The following SDC3 variants were observed in gnomAD, a reference collection of about 807,000 sequenced individuals.
SDC3 encodes syndecan 3.
A neutral mutation model predicts 24.4 loss-of-function variants in SDC3; 13 were observed. The ratio of observed to expected loss-of-function variants is 0.53; its 90% CI spans 0.35 to 0.85. SDC3 has a LOEUF of 0.85. Among genes scored for constraint, SDC3 ranks in the 40% least tolerant of loss-of-function variants. The pLI is 0.01. For synonymous variants in SDC3, 295 were observed against 260.9 expected (o/e 1.13, Z -1.26); for missense variants, 571 against 584.5 (o/e 0.98, Z 0.24).
At chr1:30,891,733 A>G (rs1038499622) in intron 1 of SDC3, among the ~76,000 whole-genome samples, 1 of 151,856 alleles carries the variant, frequency 6.6e-6, no homozygotes, top group Non-Finnish European at 1.5e-5. Context: ...CACACCTGTA[A>G]TCCCAGCTAC....
At chr1:30,891,796 T>C (rs1570015478) in intron 1 of SDC3, among the ~76,000 whole-genome samples, 1 of 145,010 alleles carries the variant, frequency 6.9e-6, no homozygotes, top group South Asian at 2.2e-4. Flanking sequence ...GAGATTGCAG[T>C]GAGCCAAGAT....
At chr1:30,883,318 A>G (rs963229953) in intron 1 of SDC3, among the ~76,000 whole-genome samples, 5 of 152,230 alleles carry the variant, frequency 3.3e-5, no homozygotes, top group Non-Finnish European at 7.3e-5. Flanking sequence ...ATGTTGCAAA[A>G]AGCCAAGAAT....
intron 4 of SDC3, among the ~76,000 whole-genome samples, chr1:30,873,752 C>T (rs1448333569): frequency 6.6e-6 from 1 of 152,152 alleles, no homozygotes; most frequent in Non-Finnish European, 1.5e-5. Flanking sequence ...AACATGTGAA[C>T]AGATGTGCCT....
intron 1 of SDC3, among the ~76,000 whole-genome samples, chr1:30,895,492 T>C (rs1459416941): frequency 6.6e-6 from 1 of 152,136 alleles, no homozygotes; most frequent in Non-Finnish European, 1.5e-5. Flanking sequence ...GCTGTTCCAC[T>C]TCTCACTGCT....
chr1:30,878,347 T>G (rs1639683662), intron 2 of SDC3: 1 of 353,648 alleles, frequency 2.8e-6, no homozygotes, highest in African/African-American at 2.0e-5. Context: ...AAGCAAGGTC[T>G]GCAGAGAAAG....
Position 30,874,433 on chromosome 1 carries a change from C to A in SDC3, c.1026G>T (p.Lys342Asn). 1 of 1,614,238 alleles carries A rather than the reference C, an allele frequency of 6.2e-7. No individual in the cohort carries two copies. The highest frequency in any genetic ancestry group is 1.1e-5 in the South Asian group (1 of 91,082). ...EVVAVGGAAA[K>N]ASSPPGTLPK... is the part of the protein sequence containing the mutation. The stretch of plus-strand genomic sequence containing the variant: ...GCAGTGTCCCAGGTGGAGATGATGC[C>A]TTGGCCGCAGCCCCTCCCACAGCTA... The change falls in exon 4 of 5, where the codon AAG becomes AAT. Residue 342 changes from lysine to asparagine, a missense_variant. Transcript: ENST00000339394.
chr1:30,906,964 C>T (rs1239427623), intron 1 of SDC3, among the ~76,000 whole-genome samples: 1 of 152,164 alleles, frequency 6.6e-6, no homozygotes, highest in East Asian at 1.9e-4. Context: ...CAGGTCAGCC[C>T]TCAACACTTC....
rs1010528390 is a variant in SDC3, at chr1:30,908,539, GCCGGCCCCGTGGGCGGCC to G, written c.30_47del (p.Ala12_Ala17del). The G allele has an allele frequency of 1.1e-4, 102 of 935,334 alleles. No individual in the cohort carries two copies. Among genetic ancestry groups the G allele is most frequent in the Admixed American group, 1.3e-4 (2 of 15,218 alleles). 57.9% of individuals were successfully genotyped at this position (935,334 alleles called of 1,614,324 possible). A position where few individuals can be genotyped will look rare whatever the true frequency, so the allele number is the denominator to read the frequency against. ...GCCCGGCCGCGGCCCCGGCCCCGGCGCCGGCCCCGTGGGCGGCCCCGGCACGGTGCGGCGGCCCCGGCT... is the reference window on the plus strand; with the variant it reads ...GCCCGGCCGCGGCCCCGGCCCCGGCGCCGGCACGGTGCGGCGGCCCCGGCT... On this transcript the variant is annotated inframe_deletion, in exon 1 of 5. Transcript: ENST00000339394.
In SDC3 at chr1:30,876,862, G is replaced by T. The variant is rs769901539; in HGVS notation, c.560C>A (p.Thr187Asn). ...ATVPATVATA[T>N]PSTPAAPPFT... is the part of the protein sequence containing the mutation. The stretch of plus-strand genomic sequence containing the variant: ...AGGGGGTGCTGCAGGGGTGCTGGGG[G>T]TGGCGGTGGCCACTGTGGCAGGCAC... Residue 187 changes from threonine to asparagine, a missense_variant, in exon 3 of 5, where the codon ACC becomes AAC. Physicochemically the swap from Thr to Asn is moderately conservative, Grantham distance 65 (BLOSUM62 0). Around this residue, in one of 2 missense-constraint regions of SDC3, gnomAD observed 497 missense variants for 471.6 expected, o/e 1.05. Coordinates refer to ENST00000339394, the MANE Select transcript of SDC3 (RefSeq NM_014654.4). The T allele has an allele frequency of 6.8e-6, 11 of 1,613,496 alleles. No individual in the cohort carries two copies. In the Admixed American group the frequency reaches 1.8e-4, roughly 27 times the overall value.
rs1336905671 is a variant in SDC3 at position 30,884,589 on chromosome 1, C to T, written c.139-5849G>A. The stretch of plus-strand genomic sequence containing the variant: ...TTTTTCCCACTGTGGCACCTGCCTC[C>T]ACCCACATCCCCACCCCAGCCCCAA... On this transcript the variant is annotated intron_variant, in intron 1 of 4. Coordinates refer to ENST00000339394, the MANE Select transcript of SDC3 (RefSeq NM_014654.4). 3.3e-5 allele frequency among the ~76,000 whole-genome samples: 5 copies of T among 152,150 alleles called. No homozygotes were observed. The East Asian group carries it at 7.7e-4, about 23-fold the overall frequency.
At chr1:30,898,158 A>C (rs1638319231) in intron 1 of SDC3, among the ~76,000 whole-genome samples, 1 of 152,230 alleles carries the variant, frequency 6.6e-6, no homozygotes, top group African/African-American at 2.4e-5. Context: ...TCTCATCAGA[A>C]AGGGCGGCCC....
chr1:30,894,314 CATGAGTGTGTGG>C (rs1254900893), intron 1 of SDC3, among the ~76,000 whole-genome samples: 1 of 88,752 alleles, frequency 1.1e-5, no homozygotes, highest in East Asian at 3.7e-4. Context: ...GGTGTGTGTG[CATGAGTGTGTGG>C]ATGAGTGTGT....
intron 1 of SDC3, among the ~76,000 whole-genome samples, chr1:30,882,586 G>A (rs1639762067): frequency 6.6e-6 from 1 of 152,128 alleles, no homozygotes; most frequent in Admixed American, 6.5e-5. Flanking sequence ...GCTGTGATGG[G>A]TGAGGGTCCA....
At position 30,873,280 on chromosome 1, in the gene SDC3, C is replaced by T. The variant is rs776661461; in HGVS notation, c.1260G>A (p.Thr420=). 45 of 1,613,102 alleles carry T rather than the reference C, an allele frequency of 2.8e-5. No homozygotes were observed. The highest frequency in any genetic ancestry group is 8.3e-5 in the Admixed American group (5 of 59,994). The part of the protein sequence containing the change: ...RMKKKDEGSY[T]LEEPKQASVT... ...CGCTCGCCTGCTTGGGTTCCTCCAG[C>T]GTGTAGCTGCCCTCATCCTTTTTCT... The change falls in exon 5 of 5, where the codon ACG becomes ACA. Residue 420 remains threonine (T), a synonymous_variant. Transcript: ENST00000339394.
At chr1:30,879,769 C>T (rs1363124604) in intron 1 of SDC3, among the ~76,000 whole-genome samples, 2 of 152,168 alleles carry the variant, frequency 1.3e-5, no homozygotes, top group Non-Finnish European at 2.9e-5. Context: ...TCTGTGGTCC[C>T]TGGAAGCCCC....
In SDC3 at chr1:30,874,666, G is replaced by T. The variant is rs1393923068; in HGVS notation, c.871-78C>A. ...CCCACCACCATCCTACTGCCCTGGG[G>T]GGCTAACACTTAGCACTCCCTACAT... is the stretch of plus-strand genomic sequence containing the variant. On this transcript the variant is annotated intron_variant, in intron 3 of 4. Coordinates refer to ENST00000339394, the MANE Select transcript of SDC3 (RefSeq NM_014654.4). 5.0e-6 allele frequency: 7 copies of T among 1,395,620 alleles called. No individual in the cohort carries two copies. The Admixed American group carries it at 1.3e-4, about 25-fold the overall frequency. 86.5% of individuals were successfully genotyped at this position (1,395,620 alleles called of 1,614,324 possible).
At chr1:30,884,522 C>T (rs1639800355) in intron 1 of SDC3, among the ~76,000 whole-genome samples, 1 of 152,088 alleles carries the variant, frequency 6.6e-6, no homozygotes, top group Admixed American at 6.5e-5. Context: ...CCAGTCTGCC[C>T]TCTACCCAGC....
chr1:30,878,825 G>A, intron 1 of SDC3, 85 bp from the exon 2 acceptor site: 1 of 1,035,470 alleles, frequency 9.7e-7, no homozygotes, highest in Non-Finnish European at 1.5e-6. Context: ...GTGCCCTTGT[G>A]GGCTGAGTGA....
rs1160736377 is a variant in SDC3, at chr1:30,876,997, G to T, written c.425C>A (p.Pro142His). Residue 142 changes from proline to histidine, a missense_variant, in exon 3 of 5, where the codon CCC (proline) becomes CAC (histidine). Physicochemically the swap from Pro to His is moderately conservative, Grantham distance 77. This residue lies in a region of SDC3 where 497 missense variants were observed against 471.6 expected (regional missense o/e 1.05). Coordinates refer to ENST00000339394, the MANE Select transcript of SDC3 (RefSeq NM_014654.4). ...ERPTLEPATS[P>H]LVVTEVPEEP... Reference sequence around the variant, plus strand: ...TTCCGGGACTTCTGTCACCACCAGGGGGCTGGTGGCTGGCTCCAGGGTGGG... The same window carrying T: ...TTCCGGGACTTCTGTCACCACCAGGTGGCTGGTGGCTGGCTCCAGGGTGGG... 1 of 1,613,258 alleles carries T rather than the reference G, an allele frequency of 6.2e-7. No individual in the cohort carries two copies. The highest frequency in any genetic ancestry group is 1.3e-5 in the African/African-American group (1 of 74,886).
Sources: gnomAD v4.1 joint callset for allele counts (sites outside exome capture counted in the v4.1 genomes callset) on GRCh38, gnomAD v4.1.1 for gene constraint, gnomAD v4.1.1 regional missense constraint, MANE v1.5 for transcripts, NCBI Gene and HGNC (gene_info 2026-07-23, HGNC 2026-07-21) for gene names.